GPS2: variants seen among roughly 807,000 people sequenced by gnomAD.
GPS2 encodes the protein G protein pathway suppressor 2.
In GPS2, 22 loss-of-function variants were observed where a neutral mutation model predicts 48.1. The ratio of observed to expected loss-of-function variants is 0.46; its 90% confidence interval spans 0.33 to 0.65. GPS2 has a LOEUF of 0.65. Ranked by LOEUF, GPS2 falls within the 30% of genes least tolerant of loss-of-function variation. GPS2 has a pLI of 0.03. For synonymous variants in GPS2, 202 were observed against 142.5 expected, an observed-to-expected ratio of 1.42 and a Z score of -2.98; for missense variants, 366 against 406.8, an observed-to-expected ratio of 0.90 and a Z score of 0.86.
intron 2 of GPS2, 46 bp from the exon 3 acceptor site, chr17:7,314,643 AT>A (rs1406952445): frequency 1.9e-6 from 3 of 1,612,666 alleles, no homozygotes. Context: ...AGTGAAAACA[AT>A]TCCAACGTTA....
intron 5 of GPS2, 46 bp from the exon 6 acceptor site, chr17:7,314,034 A>C: frequency 1.2e-6 from 2 of 1,604,648 alleles, no homozygotes. Context: ...GGAGGCTGTG[A>C]CCTCCAAGAA....
intron 10 of GPS2, 35 bp from the exon 11 acceptor site, chr17:7,312,874 G>A (rs746697045): frequency 9.5e-6 from 15 of 1,581,560 alleles, no homozygotes; most frequent in Non-Finnish European, 1.3e-5. Flanking sequence ...CTTTGTCACT[G>A]GGCATACTCT....
chr17:7,315,106 A>T lies in GPS2; in HGVS notation c.-54T>A. 1 of 1,403,306 alleles carries T rather than the reference A, an allele frequency of 7.1e-7. No individual in the cohort carries two copies. The highest frequency in any genetic ancestry group is 9.6e-7 in the Non-Finnish European group (1 of 1,042,976). The allele number at this position is 1,403,306 out of a possible 1,614,324, so 86.9% of individuals were successfully genotyped here. ...GCGCCCGGCTGTCTCTGACTGCCAG[A>T]CCTCAGACGGGGCCTGCGGGGAGGC... is the stretch of plus-strand genomic sequence containing the variant. On this transcript the variant is annotated 5_prime_UTR_variant, in exon 2 of 11. Transcript: ENST00000380728.
intron 10 of GPS2, 50 bp downstream of exon 10, chr17:7,312,978 CG>C (rs2072882234): frequency 1.4e-6 from 2 of 1,471,690 alleles, no homozygotes; most frequent in African/African-American, 2.8e-5. Flanking sequence ...CCTGCTTTTC[CG>C]GATCCCTAGT....
At chr17:7,312,925 G>T in intron 10 of GPS2, 86 bp from the exon 11 acceptor site, 1 of 1,492,326 alleles carries the variant, frequency 6.7e-7, no homozygotes, top group Non-Finnish European at 9.3e-7. Flanking sequence ...CCCCCAAAGA[G>T]GAAGGAAAAA....
In GPS2 at chr17:7,314,791, G is replaced by C; in HGVS notation, c.94+168C>G. On this transcript the variant is annotated intron_variant, in intron 2 of 10. Transcript: ENST00000380728. ...CTCTCCAAGGTCCTTCCCATCTCAA[G>C]GGTTCTGGAGCGTGGAACAGGACGC... The C allele has an allele frequency of 7.8e-6, 10 of 1,281,886 alleles. No individual in the cohort carries two copies. The South Asian group carries it at 1.3e-4, about 17-fold the overall frequency. 79.4% of individuals were successfully genotyped at this position (1,281,886 alleles called of 1,614,324 possible).
At chr17:7,313,519 C>T (rs200788414) in intron 7 of GPS2, 49 bp downstream of exon 7, 4 of 1,613,534 alleles carry the variant, frequency 2.5e-6, no homozygotes, top group African/African-American at 2.7e-5. Context: ...GAATGGCATT[C>T]CTCCTTTGAC....
At chr17:7,314,774 G>A (rs1190119818) in intron 2 of GPS2, 177 bp from the exon 3 acceptor site, 7 of 1,336,910 alleles carry the variant, frequency 5.2e-6, no homozygotes, top group African/African-American at 1.4e-5. Context: ...TGCTCTCCAA[G>A]GTCCTTCCCA....
At position 7,315,014 on chromosome 17, in the gene GPS2, G is replaced by A. The variant is rs549389257; in HGVS notation, c.39C>T (p.Ala13=). 1.0e-5 allele frequency: 16 copies of A among 1,604,022 alleles called. No homozygotes were observed. The African/African-American group carries it at 1.9e-4, about 19-fold the overall frequency. Residue 13 remains alanine (A), a synonymous_variant, in exon 2 of 11, where the codon GCC becomes GCT. Transcript: ENST00000380728. ...TGTGCCGGTGCAGCGCCCTGGCCAT[G>A]GCGTTGGAAAGCTTGGGGCGCTCCA... The part of the protein sequence containing the change: ...ALLERPKLSN[A]MARALHRHIM...
chr17:7,313,848 G>A (rs188636403), intron 6 of GPS2, 58 bp downstream of exon 6: 15 of 1,568,034 alleles, frequency 9.6e-6, no homozygotes, highest in African/African-American at 4.0e-5. Context: ...CTTGAATACT[G>A]GTGGCAAGGA....
intron 2 of GPS2, 157 bp from the exon 3 acceptor site, chr17:7,314,754 C>CTT (rs1348217695): frequency 1.4e-6 from 2 of 1,432,042 alleles, no homozygotes; most frequent in Non-Finnish European, 1.9e-6. Flanking sequence ...AACGGAAAGG[C>CTT]TTTATCAGGT....
rs769049828 is a variant in GPS2 at position 7,313,284 on chromosome 17, G to C, written c.732C>G (p.Leu244=). 7 of 1,613,966 alleles carry C rather than the reference G, an allele frequency of 4.3e-6. No homozygotes were observed. The Admixed American group carries it at 1.0e-4, about 23-fold the overall frequency. Residue 244 remains leucine, a synonymous_variant, in exon 9 of 11, where the codon CTC becomes CTG. Transcript: ENST00000380728. ...GHFQPTQTGF[L]QPGGALSLQK... is the part of the protein sequence containing the mutation. ...GCAAGGACAGGGCACCACCAGGCTG[G>C]AGGAAACCTAGGTGGGGAAGAGGGG...
chr17:7,315,272 G>T (rs540842172), intron 1 of GPS2, 59 bp downstream of exon 1: 2 of 332,444 alleles, frequency 6.0e-6, no homozygotes, highest in African/African-American at 4.3e-5. Context: ...CGGCGCCGGG[G>T]TCCCCGGCTC....
At position 7,314,352 on chromosome 17, in the gene GPS2, G is replaced by C; in HGVS notation, c.256C>G (p.Leu86Val). 6.2e-7 allele frequency: 1 copy of C among 1,614,188 alleles called. No homozygotes were observed. The highest frequency in any genetic ancestry group is 8.5e-7 in the Non-Finnish European group (1 of 1,180,032). The change falls in exon 4 of 11, where the codon CTT (leucine) becomes GTT (valine). Residue 86 changes from leucine to valine, a missense_variant. Physicochemically the swap from Leu to Val is conservative, Grantham distance 32. Coordinates refer to ENST00000380728, the MANE Select transcript of GPS2 (RefSeq NM_004489.5). ...AAAACTTTCTTGAGCTGCAGGAAAA[G>C]CTGGTGCTTCTCTTCCTGTAGAGCC... Reference protein sequence around the residue: ...LLALQEEKHQLFLQLKKVLHE... With the variant: ...LLALQEEKHQVFLQLKKVLHE...
intron 2 of GPS2, 97 bp downstream of exon 2, chr17:7,314,862 G>A (rs372200341): frequency 1.3e-5 from 19 of 1,421,874 alleles, no homozygotes; most frequent in Admixed American, 2.0e-5. Flanking sequence ...CTCTGCGCTC[G>A]GCAGCGGGCG....
chr17:7,314,199 G>GCCTT, intron 4 of GPS2, 40 bp from the exon 5 acceptor site: 1 of 1,590,652 alleles, frequency 6.3e-7, no homozygotes, highest in Non-Finnish European at 8.6e-7. Context: ...AAGGACAGAT[G>GCCTT]CCTTCTCTTT....
chr17:7,314,107 T>C lies in GPS2; in HGVS notation c.370A>G (p.Thr124Ala), dbSNP rs747205747. 7 of 1,614,094 alleles carry C rather than the reference T, an allele frequency of 4.3e-6. No individual in the cohort carries two copies. The Admixed American group carries it at 6.7e-5, about 15-fold the overall frequency. Residue 124 changes from threonine (T) to alanine (A), a missense_variant, in exon 5 of 11, where the codon ACA becomes GCA. Thr to Ala is a moderately conservative substitution (Grantham distance 58). Transcript: ENST00000380728. ...AAYQQSLTVH[T>A]GTHLLSMQGS... ...TGCATGCTGAGGAGATGAGTTCCTG[T>C]GTGAACAGTCAGGCTCTGCTGGTAT...
rs777660501 is a variant in GPS2, at chr17:7,312,846, G to A, written c.901-7C>T. ...TGGTAGCTGCAAAGCCCGACTGGTG[G>A]TGGTGATGAAAAGAGGGCTTTGTCA... On this transcript the variant is annotated splice_polypyrimidine_tract_variant and splice_region_variant and intron_variant, in intron 10 of 10. Transcript: ENST00000380728. 6.2e-7 allele frequency: 1 copy of A among 1,613,038 alleles called. No individual in the cohort carries two copies. The highest frequency in any genetic ancestry group is 1.1e-5 in the South Asian group (1 of 91,066).
chr17:7,313,143 G>C lies in GPS2; in HGVS notation c.805-19C>G. 1.2e-6 allele frequency: 2 copies of C among 1,609,080 alleles called. No individual in the cohort carries two copies. On this transcript the variant is annotated intron_variant, in intron 9 of 10. Coordinates refer to ENST00000380728, the MANE Select transcript of GPS2 (RefSeq NM_004489.5). ...GAGAGGACTGCAGAGAACAGAGTCAGGGCCTGAGGCATACTGAAGCTCCCC... is the reference window on the plus strand; with the variant it reads ...GAGAGGACTGCAGAGAACAGAGTCACGGCCTGAGGCATACTGAAGCTCCCC...
Sources: gnomAD v4.1 joint callset for allele counts on GRCh38, gnomAD v4.1.1 for gene constraint, MANE v1.5 for transcripts, NCBI Gene and HGNC (gene_info 2026-07-23, HGNC 2026-07-21) for gene names.